MAP3K21: variants seen among roughly 807,000 people sequenced by gnomAD.
MAP3K21 encodes mitogen-activated protein kinase kinase kinase MLK4.
MAP3K21 carries 63 observed loss-of-function variants against 86.1 expected under a neutral mutation model. The observed-to-expected ratio is 0.73, with a 90% CI of 0.60 to 0.90. The LOEUF is 0.90. Ranked by LOEUF, MAP3K21 falls within the 40% of genes least tolerant of loss-of-function variation. The pLI is 0.00. For synonymous variants in MAP3K21, 558 were observed against 564.8 expected, an observed-to-expected ratio of 0.99 and a Z score of 0.17; for missense variants, 1,220 against 1,367.7, an observed-to-expected ratio of 0.89 and a Z score of 1.70.
intron 4 of MAP3K21, among the ~76,000 whole-genome samples, chr1:233,358,487 T>TTTAA (rs1663407814): frequency 6.6e-6 from 1 of 151,336 alleles, no homozygotes; most frequent in African/African-American, 2.4e-5. Context: ...TTTTTTTTTT[T>TTTAA]AACACTTCCC....
intron 1 of MAP3K21, among the ~76,000 whole-genome samples, chr1:233,331,092 G>T (rs1662802133): frequency 6.6e-6 from 1 of 152,164 alleles, no homozygotes; most frequent in Non-Finnish European, 1.5e-5. Flanking sequence ...TTGTATAGTG[G>T]AGTATAGACT....
Position 233,372,107 on chromosome 1 carries a change from G to T in MAP3K21, c.1622G>T (p.Ser541Ile), listed in dbSNP as rs201787500. 2 of 1,614,174 alleles carry T rather than the reference G, an allele frequency of 1.2e-6. No homozygotes were observed. The highest frequency in any genetic ancestry group is 1.7e-6 in the Non-Finnish European group (2 of 1,180,014). The change falls in exon 6 of 10, where the codon AGT becomes ATT. Residue 541 changes from serine to isoleucine, a missense_variant. Ser to Ile is a moderately radical substitution (Grantham distance 142). Around this residue, in one of 5 missense-constraint regions of MAP3K21, gnomAD observed 632 missense variants for 691.3 expected, o/e 0.91. Coordinates refer to ENST00000366624, the MANE Select transcript of MAP3K21 (RefSeq NM_032435.3). ...AAACGGCGGAGCCTGAACAGCAGCA[G>T]TTCCAGTCCCCCGAGCAGCCCCACA... is the stretch of plus-strand genomic sequence containing the variant. ...LDKRRSLNSS[S>I]SSPPSSPTMM... is the part of the protein sequence containing the mutation.
intron 9 of MAP3K21, among the ~76,000 whole-genome samples, chr1:233,379,984 C>T (rs1663883452): frequency 6.6e-6 from 1 of 152,212 alleles, no homozygotes; most frequent in South Asian, 2.1e-4. Context: ...AGCCCCCTCA[C>T]GTTACGGGAA....
chr1:233,365,135 T>G (rs1339271528), intron 5 of MAP3K21, among the ~76,000 whole-genome samples: 4 of 152,228 alleles, frequency 2.6e-5, no homozygotes, highest in African/African-American at 9.6e-5. Flanking sequence ...AGGGAGTTAG[T>G]TGCATTCAAT....
chr1:233,362,041 T>C lies in MAP3K21; in HGVS notation c.1312-12T>C, dbSNP rs1663474978. 1.9e-6 allele frequency: 3 copies of C among 1,609,846 alleles called. No homozygotes were observed. The highest frequency in any genetic ancestry group is 1.7e-5 in the Admixed American group (1 of 59,610). ...TGGGAATGATTCCGGTGGGTGTGAA[T>C]CTGTGTCGCAGGAGCTGCGATCCCG... On this transcript the variant is annotated splice_polypyrimidine_tract_variant and intron_variant, in intron 4 of 9. Coordinates refer to ENST00000366624, the MANE Select transcript of MAP3K21 (RefSeq NM_032435.3).
rs1663947367 is a variant in MAP3K21, at chr1:233,382,944, A to G, written c.*233A>G. 2.3e-6 allele frequency: 1 copy of G among 438,040 alleles called. No individual in the cohort carries two copies. Among genetic ancestry groups the G allele is most frequent in the Non-Finnish European group, 4.2e-6 (1 of 240,612 alleles). 27.1% of individuals were successfully genotyped at this position (438,040 alleles called of 1,614,324 possible). ...TTGGAATACACAAAAGTGTAAAACAAGAGATGTGCACCAATGAAAACTATG... is the reference window on the plus strand; with the variant it reads ...TTGGAATACACAAAAGTGTAAAACAGGAGATGTGCACCAATGAAAACTATG... On this transcript the variant is annotated 3_prime_UTR_variant, in exon 10 of 10. Coordinates refer to ENST00000366624, the MANE Select transcript of MAP3K21 (RefSeq NM_032435.3).
intron 7 of MAP3K21, 21 bp from the exon 8 acceptor site, chr1:233,376,409 A>G (rs956465183): frequency 6.4e-7 from 1 of 1,552,974 alleles, no homozygotes; most frequent in East Asian, 2.2e-5. Flanking sequence ...TCTTATGAAA[A>G]GAAACATTTT....
chr1:233,346,985 C>T (rs1663154345), intron 2 of MAP3K21, among the ~76,000 whole-genome samples: 1 of 152,196 alleles, frequency 6.6e-6, no homozygotes, highest in Non-Finnish European at 1.5e-5. Flanking sequence ...AAGTGATCTT[C>T]CCTCCTCAGC....
chr1:233,354,519 T>C (rs1304972691), intron 3 of MAP3K21, among the ~76,000 whole-genome samples: 1 of 152,188 alleles, frequency 6.6e-6, no homozygotes, highest in Non-Finnish European at 1.5e-5. Context: ...TATGGTGGCT[T>C]AACCCCCTGA....
At chr1:233,368,370 G>A (rs1187293233) in intron 5 of MAP3K21, among the ~76,000 whole-genome samples, 1 of 152,028 alleles carries the variant, frequency 6.6e-6, no homozygotes, top group Non-Finnish European at 1.5e-5. Flanking sequence ...GAATGACTTG[G>A]GGCTAGGTGC....
intron 6 of MAP3K21, 36 bp from the exon 7 acceptor site, chr1:233,375,880 T>C: frequency 1.3e-6 from 2 of 1,557,098 alleles, no homozygotes; most frequent in African/African-American, 1.4e-5. Context: ...TTAATATGAT[T>C]GTTGTGGTTA....
chr1:233,369,491 TGG>T (rs1180840784), intron 5 of MAP3K21, among the ~76,000 whole-genome samples: 3 of 152,142 alleles, frequency 2.0e-5, no homozygotes, highest in African/African-American at 7.2e-5. Flanking sequence ...GGAGGAAACT[TGG>T]TTTCTTCCAG....
At chr1:233,361,727 TG>T (rs1234666286) in intron 4 of MAP3K21, among the ~76,000 whole-genome samples, 1 of 152,152 alleles carries the variant, frequency 6.6e-6, no homozygotes, top group Non-Finnish European at 1.5e-5. Context: ...GAGGGAGAAA[TG>T]TGAAAAACCA....
chr1:233,366,645 T>G (rs1663579799), intron 5 of MAP3K21, among the ~76,000 whole-genome samples: 1 of 152,242 alleles, frequency 6.6e-6, no homozygotes, highest in Non-Finnish European at 1.5e-5. Flanking sequence ...CATAATAAGC[T>G]TAGAGAATTT....
At chr1:233,336,862 A>G (rs1445792888) in intron 1 of MAP3K21, among the ~76,000 whole-genome samples, 3 of 152,242 alleles carry the variant, frequency 2.0e-5, no homozygotes, top group Admixed American at 1.3e-4. Flanking sequence ...TTCCATGGCT[A>G]CAGACTATAT....
intron 8 of MAP3K21, 48 bp downstream of exon 8, chr1:233,376,575 CTGAT>C: frequency 1.5e-6 from 2 of 1,316,034 alleles, no homozygotes; most frequent in Non-Finnish European, 1.1e-6. Context: ...TCCTTGGCAT[CTGAT>C]TGTGCTGAAG....
chr1:233,382,225 C>A, intron 9 of MAP3K21, 80 bp from the exon 10 acceptor site: 2 of 1,231,640 alleles, frequency 1.6e-6, no homozygotes, highest in Non-Finnish European at 2.3e-6. Context: ...GAATTGCCAT[C>A]ATAATTATTT....
chr1:233,332,046 T>C (rs1232015451), intron 1 of MAP3K21, among the ~76,000 whole-genome samples: 2 of 152,092 alleles, frequency 1.3e-5, no homozygotes, highest in Non-Finnish European at 2.9e-5. Flanking sequence ...TTTGAGTTAC[T>C]GTGAAAATCG....
chr1:233,355,178 G>T (rs934176190), intron 4 of MAP3K21, among the ~76,000 whole-genome samples, 167 bp downstream of exon 4: 5 of 152,018 alleles, frequency 3.3e-5, no homozygotes, highest in Non-Finnish European at 7.4e-5. Flanking sequence ...AAACAGAAGG[G>T]TACTCAATAT....
Sources: gnomAD v4.1 joint callset for allele counts (sites outside exome capture counted in the v4.1 genomes callset) on GRCh38, gnomAD v4.1.1 for gene constraint, gnomAD v4.1.1 regional missense constraint, MANE v1.5 for transcripts, NCBI Gene and HGNC (gene_info 2026-07-23, HGNC 2026-07-21) for gene names.